Variants in DLG2 observed in about 807,000 individuals in gnomAD.
DLG2 encodes discs large MAGUK scaffold protein 2, also known as disks large homolog 2.
A neutral mutation model predicts 132.5 loss-of-function variants in DLG2; 45 were observed. The observed-to-expected ratio is 0.34, with a 90% CI of 0.27 to 0.44. The LOEUF (loss-of-function observed/expected upper bound fraction) is 0.44. DLG2 is among the 20% of genes least tolerant of loss of function. DLG2 has a pLI of 1.00. For missense variants in DLG2, 1,045 were observed against 1,196.9 expected (o/e 0.87, Z 1.87); for synonymous variants, 424 against 419.6 (o/e 1.01, Z -0.13).
At chr11:84,016,834 A>T (rs553310972) in intron 11 of DLG2, among the ~76,000 whole-genome samples, 1 of 152,244 alleles carries the variant, frequency 6.6e-6, no homozygotes, top group Non-Finnish European at 1.5e-5. Flanking sequence ...AATCTAGTAC[A>T]ACCAAGATTT....
At chr11:83,546,211 C>T (rs1592896183) in intron 19 of DLG2, among the ~76,000 whole-genome samples, 2 of 152,090 alleles carry the variant, frequency 1.3e-5, no homozygotes, top group Non-Finnish European at 2.9e-5. Context: ...GGTACCCTAA[C>T]AAAATAGTGC....
intron 6 of DLG2, among the ~76,000 whole-genome samples, chr11:85,066,420 A>G (rs1158146708): frequency 1.3e-5 from 2 of 151,694 alleles, no homozygotes; most frequent in Non-Finnish European, 2.9e-5. Flanking sequence ...ATCAAGGGGG[A>G]GAGAATCCTC....
intron 6 of DLG2, among the ~76,000 whole-genome samples, chr11:84,894,107 T>G (rs769602900): frequency 1.6e-4 from 24 of 152,168 alleles, no homozygotes; most frequent in Admixed American, 3.9e-4. Flanking sequence ...CTTTGACTGA[T>G]TAAACTTTCT....
intron 6 of DLG2, among the ~76,000 whole-genome samples, chr11:84,926,337 T>G (rs1388937813): frequency 6.6e-6 from 1 of 152,062 alleles, no homozygotes; most frequent in East Asian, 1.9e-4. Flanking sequence ...GATGTAGTGA[T>G]TCAACTTTCA....
chr11:85,121,511 T>G (rs1160419759), intron 5 of DLG2, among the ~76,000 whole-genome samples: 4 of 152,018 alleles, frequency 2.6e-5, no homozygotes, highest in Non-Finnish European at 5.9e-5. Flanking sequence ...GAAAAGCAGA[T>G]CTGACTGCTT....
chr11:83,523,564 C>T (rs1301393007), intron 21 of DLG2, among the ~76,000 whole-genome samples: 5 of 152,154 alleles, frequency 3.3e-5, no homozygotes, highest in African/African-American at 1.2e-4. Context: ...CCTTTCTTAA[C>T]TTCAGTTTTC....
At chr11:84,378,103 G>C (rs565505326) in intron 7 of DLG2, among the ~76,000 whole-genome samples, 2 of 152,240 alleles carry the variant, frequency 1.3e-5, no homozygotes, top group Admixed American at 1.3e-4. Flanking sequence ...TATTGAAGCC[G>C]TAACACTGAC....
chr11:84,714,638 TCTCTCTCTTTCTC>T (rs1565750841), intron 6 of DLG2, among the ~76,000 whole-genome samples: 1 of 143,962 alleles, frequency 6.9e-6, no homozygotes, highest in Non-Finnish European at 1.5e-5. Context: ...TCTCTCTCTC[TCTCTCTCTTTCTC>T]TCTCTCTCTC....
intron 11 of DLG2, among the ~76,000 whole-genome samples, chr11:83,989,881 A>C (rs577017235): frequency 6.6e-6 from 1 of 152,282 alleles, no homozygotes; most frequent in East Asian, 1.9e-4. Context: ...ATTTCGGGGA[A>C]GTGATAGTTT....
intron 4 of DLG2, among the ~76,000 whole-genome samples, chr11:85,272,641 G>A (rs1025916985): frequency 6.6e-6 from 1 of 152,070 alleles, no homozygotes; most frequent in Non-Finnish European, 1.5e-5. Context: ...CCATGCTCAT[G>A]GATAGGAAGA....
chr11:84,896,473 G>T (rs1462568739), intron 6 of DLG2, among the ~76,000 whole-genome samples: 3 of 151,986 alleles, frequency 2.0e-5, no homozygotes, highest in Non-Finnish European at 2.9e-5. Flanking sequence ...ATAAGAGAAG[G>T]TGTAATCCAT....
At chr11:84,080,402 T>C (rs2096885907) in intron 10 of DLG2, among the ~76,000 whole-genome samples, 1 of 152,132 alleles carries the variant, frequency 6.6e-6, no homozygotes, top group African/African-American at 2.4e-5. Flanking sequence ...CTTTTCTAAG[T>C]CAGGTTTGCA....
intron 7 of DLG2, among the ~76,000 whole-genome samples, chr11:84,477,710 G>C (rs1179118903): frequency 6.6e-6 from 1 of 152,134 alleles, no homozygotes. Flanking sequence ...TCAGTGAAGA[G>C]AACTTAAAAG....
intron 3 of DLG2, among the ~76,000 whole-genome samples, chr11:85,359,141 T>C (rs529255190): frequency 1.3e-5 from 2 of 152,340 alleles, no homozygotes; most frequent in East Asian, 3.9e-4. Flanking sequence ...TCTCATTAAG[T>C]TGGCTTTTAA....
At chr11:83,780,101 C>G (rs2094750888) in intron 18 of DLG2, among the ~76,000 whole-genome samples, 1 of 152,182 alleles carries the variant, frequency 6.6e-6, no homozygotes, top group African/African-American at 2.4e-5. Context: ...GAAAATGTTT[C>G]AACATGCCAC....
At chr11:84,543,544 G>C (rs570467193) in intron 6 of DLG2, among the ~76,000 whole-genome samples, 1 of 152,092 alleles carries the variant, frequency 6.6e-6, no homozygotes, top group South Asian at 2.1e-4. Context: ...TCTCCCCATG[G>C]GGTCAAGGGC....
At chr11:83,785,837 A>T (rs950959552) in intron 18 of DLG2, among the ~76,000 whole-genome samples, 4 of 152,204 alleles carry the variant, frequency 2.6e-5, no homozygotes, top group Admixed American at 2.6e-4. Context: ...TTATACTCTC[A>T]TGTTCAGCTG....
chr11:84,313,641 A>AAAAGAAAGAAACAAAGAAAGAAAG lies in DLG2; in HGVS notation c.520-62351_520-62350insCTTTCTTTCTTTGTTTCTTTCTTT, dbSNP rs2098321276. Reference sequence around the variant, plus strand: ...AAAAGAAAAAGAAAGGAAAGAGAGAAAAAGAAAGAAAGAAAGAAAGAAAGA... The same window carrying AAAAGAAAGAAACAAAGAAAGAAAG: ...AAAAGAAAAAGAAAGGAAAGAGAGAAAAAGAAAGAAACAAAGAAAGAAAGAAAGAAAGAAAGAAAGAAAGAAAGA... On this transcript the variant is annotated intron_variant, in intron 7 of 27. Coordinates refer to ENST00000376104, the MANE Select transcript of DLG2 (RefSeq NM_001142699.3). Among the ~76,000 whole-genome samples the AAAAGAAAGAAACAAAGAAAGAAAG allele has an allele frequency of 9.3e-5, 12 of 129,290 alleles. No individual in the cohort carries two copies. The South Asian group carries it at 3.1e-3, about 34-fold the overall frequency. 84.8% of individuals were successfully genotyped at this position (129,290 alleles called of 152,430 possible). A position where few individuals can be genotyped will look rare whatever the true frequency, so the allele number is the denominator to read the frequency against.
At chr11:85,047,423 T>C (rs886136202) in intron 6 of DLG2, among the ~76,000 whole-genome samples, 1 of 152,028 alleles carries the variant, frequency 6.6e-6, no homozygotes, top group South Asian at 2.1e-4. Context: ...AGAGTTCATA[T>C]GTAGAGTCAT....
Sources: allele counts gnomAD v4.1 joint callset (sites outside exome capture counted in the v4.1 genomes callset), GRCh38; gene constraint gnomAD v4.1.1; transcripts MANE v1.5; gene names NCBI Gene and HGNC (gene_info 2026-07-23, HGNC 2026-07-21).